The following ERICH1 variants were observed in gnomAD, a reference collection of about 807,000 sequenced individuals.
ERICH1 encodes glutamate-rich protein 1.
A neutral mutation model predicts 39.6 loss-of-function variants in ERICH1; 56 were observed. The ratio of observed to expected loss-of-function variants is 1.41; its 90% CI spans 1.14 to 1.77. The LOEUF is 1.77. ERICH1 is among the 40% of genes most tolerant of loss of function. The pLI is 0.00. For missense variants in ERICH1, 826 were observed against 575.4 expected (o/e 1.44, Z -4.45); for synonymous variants, 313 against 223.6 (o/e 1.40, Z -3.57).
intron 3 of ERICH1, among the ~76,000 whole-genome samples, chr8:636,270 C>T (rs1274081791): frequency 6.6e-6 from 1 of 152,228 alleles, no homozygotes; most frequent in Admixed American, 6.5e-5. Flanking sequence ...AGCTCAGCTG[C>T]GTGGCCACGT....
intron 2 of ERICH1, among the ~76,000 whole-genome samples, chr8:700,453 C>T (rs1336913728): frequency 8.3e-6 from 1 of 120,330 alleles, no homozygotes; most frequent in African/African-American, 3.1e-5. Context: ...AGGCCACAGA[C>T]CCGCACAGGC....
chr8:695,447 C>T (rs1442591695), intron 2 of ERICH1, among the ~76,000 whole-genome samples: 3 of 152,094 alleles, frequency 2.0e-5, no homozygotes, highest in South Asian at 2.1e-4. Flanking sequence ...CAGAGGCCAG[C>T]CATCCCTGCC....
At chr8:706,040 A>G (rs73521164) in intron 2 of ERICH1, among the ~76,000 whole-genome samples, 5,922 of 152,316 alleles carry the variant, frequency 0.039, 385 homozygotes, top group African/African-American at 0.14. Context: ...ATGGTGTTAC[A>G]GTTGCCACTG....
At chr8:721,605 C>G (rs911302686) in intron 1 of ERICH1, among the ~76,000 whole-genome samples, 1 of 152,236 alleles carries the variant, frequency 6.6e-6, no homozygotes, top group African/African-American at 2.4e-5. Context: ...GGCACTGATG[C>G]CCTTGCTGGT....
intron 3 of ERICH1, among the ~76,000 whole-genome samples, chr8:625,519 G>T (rs1206533620): frequency 1.3e-5 from 2 of 152,000 alleles, no homozygotes; most frequent in South Asian, 2.1e-4. Context: ...GGGTGTCTTG[G>T]GGGTAATACA....
chr8:674,044 T>C lies in ERICH1; in HGVS notation c.308A>G (p.Gln103Arg). 2 of 1,538,812 alleles carry C rather than the reference T, an allele frequency of 1.3e-6. No individual in the cohort carries two copies. The highest frequency in any genetic ancestry group is 1.7e-6 in the Non-Finnish European group (2 of 1,156,856). The change falls in exon 4 of 6, where the codon CAG (glutamine) becomes CGG (arginine). Residue 103 changes from glutamine (Q) to arginine (R), a missense_variant. Physicochemically the swap from Gln to Arg is conservative, Grantham distance 43. Coordinates refer to ENST00000262109, the MANE Select transcript of ERICH1 (RefSeq NM_207332.3). ...NASSGDDTED[Q>R]DPHDQPKRRR... Reference sequence around the variant, plus strand: ...TCTCTTTGGCTGGTCATGAGGATCCTGATCTGTTAAAAAAATTCAAATATA... The same window carrying C: ...TCTCTTTGGCTGGTCATGAGGATCCCGATCTGTTAAAAAAATTCAAATATA...
At chr8:696,804 T>TC (rs1810400529) in intron 2 of ERICH1, among the ~76,000 whole-genome samples, 10 of 51,208 alleles carry the variant, frequency 2.0e-4, no homozygotes, top group East Asian at 1.3e-3. Flanking sequence ...CACCCTCCAC[T>TC]CCTCTCCTTC....
intron 2 of ERICH1, among the ~76,000 whole-genome samples, chr8:694,176 A>G (rs1309525512): frequency 6.6e-6 from 1 of 152,176 alleles, no homozygotes; most frequent in Non-Finnish European, 1.5e-5. Context: ...TTCAGGTTCC[A>G]CTGTAGTCAA....
chr8:717,897 C>T (rs762443821), intron 1 of ERICH1, among the ~76,000 whole-genome samples: 10 of 152,240 alleles, frequency 6.6e-5, no homozygotes, highest in Admixed American at 1.3e-4. Context: ...CAGGCCAGGG[C>T]AGGCCCTGAC....
intron 3 of ERICH1, chr8:641,216 C>T (rs538305036): frequency 2.0e-5 from 3 of 152,254 alleles, no homozygotes; most frequent in African/African-American, 4.8e-5. Context: ...AGTCTGACCA[C>T]GAGTTGGTTT....
chr8:699,901 A>G (rs143589573), intron 2 of ERICH1, among the ~76,000 whole-genome samples: 16,172 of 101,534 alleles, frequency 0.16, 2,290 homozygotes, highest in Non-Finnish European at 0.22. Flanking sequence ...ACGCGCACAG[A>G]CCCGCACAGG....
At chr8:719,682 T>C (rs146728172) in intron 1 of ERICH1, among the ~76,000 whole-genome samples, 1,890 of 152,346 alleles carry the variant, frequency 0.012, 25 homozygotes, top group Middle Eastern at 0.027. Flanking sequence ...GTGGCTTTCC[T>C]TCCTCACTCC....
chr8:628,428 G>A (rs1797724776), intron 3 of ERICH1, among the ~76,000 whole-genome samples: 2 of 152,226 alleles, frequency 1.3e-5, no homozygotes, highest in Admixed American at 1.3e-4. Flanking sequence ...GGAGAGCAGG[G>A]CCTCCGCCTG....
At chr8:670,931 C>A (rs1408324173) in intron 4 of ERICH1, among the ~76,000 whole-genome samples, 1 of 151,754 alleles carries the variant, frequency 6.6e-6, no homozygotes, top group African/African-American at 2.4e-5. Flanking sequence ...TCTGAGCCCA[C>A]CGGTCCCCCA....
chr8:655,950 G>C (rs1800609626), intron 3 of ERICH1, among the ~76,000 whole-genome samples: 1 of 151,936 alleles, frequency 6.6e-6, no homozygotes, highest in African/African-American at 2.4e-5. Context: ...ATCGCAACAG[G>C]TCCCTCCCCC....
At chr8:620,403 C>A (rs927265832) in intron 3 of ERICH1, among the ~76,000 whole-genome samples, 2 of 152,094 alleles carry the variant, frequency 1.3e-5, no homozygotes, top group African/African-American at 4.8e-5. Context: ...AAATGTGAAT[C>A]AATTGAACAA....
At chr8:722,661 G>A (rs1294062295) in intron 1 of ERICH1, among the ~76,000 whole-genome samples, 1 of 152,168 alleles carries the variant, frequency 6.6e-6, no homozygotes, top group Non-Finnish European at 1.5e-5. Context: ...TGCTGGAAGA[G>A]ATTAAAATAA....
intron 1 of ERICH1, among the ~76,000 whole-genome samples, chr8:716,244 C>A (rs1815968064): frequency 6.6e-6 from 1 of 152,254 alleles, no homozygotes; most frequent in Non-Finnish European, 1.5e-5. Flanking sequence ...TCAGCTGACC[C>A]TCTCTCCAGG....
chr8:655,421 C>G (rs1461106348), intron 3 of ERICH1, among the ~76,000 whole-genome samples: 1 of 152,212 alleles, frequency 6.6e-6, no homozygotes, highest in Non-Finnish European at 1.5e-5. Context: ...TTTTTGTTTG[C>G]CCGTCTCTCA....
Sources: allele counts gnomAD v4.1 joint callset (sites outside exome capture counted in the v4.1 genomes callset), GRCh38; gene constraint gnomAD v4.1.1; transcripts MANE v1.5; gene names NCBI Gene and HGNC (gene_info 2026-07-23, HGNC 2026-07-21).